Variants in NCBP2L observed in about 807,000 individuals in gnomAD.
NCBP2L encodes the protein nuclear cap binding protein subunit 2 like.
For missense variants in NCBP2L, 95 were observed against 53.1 expected (o/e 1.79, Z -2.45); for synonymous variants, 39 against 19.2 (o/e 2.04, Z -2.70).
intron 1 of NCBP2L, among the ~76,000 whole-genome samples, chrX:107,790,290 T>G (rs959831845): frequency 2.7e-5 from 3 of 112,288 alleles, no homozygotes; most frequent in Non-Finnish European, 5.6e-5. Flanking sequence ...ATCTTTTTGT[T>G]TTTTAACCAT....
chrX:107,791,429 A>T (rs1185594027), intron 1 of NCBP2L, among the ~76,000 whole-genome samples: 1 of 111,497 alleles, frequency 9.0e-6, no homozygotes, highest in Non-Finnish European at 1.9e-5. Context: ...AATCTGTTGT[A>T]AAGATGAGGT....
At chrX:107,781,692 C>CTCTCTCTCTATATATATATATATA (rs1395038482) in intron 1 of NCBP2L, among the ~76,000 whole-genome samples, 1 of 66,919 alleles carries the variant, frequency 1.5e-5, no homozygotes, top group Admixed American at 1.6e-4. Context: ...CTCTCTCTCT[C>CTCTCTCTCTATATATATATATATA]TATATATATA....
intron 1 of NCBP2L, among the ~76,000 whole-genome samples, chrX:107,781,784 A>C (rs10081904): frequency 1.9e-3 from 141 of 73,481 alleles, no homozygotes; most frequent in Non-Finnish European, 2.9e-3. Context: ...ATATAGATCT[A>C]TAGATATCTA....
intron 1 of NCBP2L, among the ~76,000 whole-genome samples, chrX:107,789,368 T>G (rs1930423957): frequency 9.1e-6 from 1 of 110,082 alleles, no homozygotes; most frequent in Admixed American, 9.7e-5. Context: ...CCATCAACCT[T>G]CAGGCATGAT....
chrX:107,786,958 TG>T lies in NCBP2L; in HGVS notation c.-72-7188del, dbSNP rs1930398001. On this transcript the variant is annotated intron_variant, in intron 1 of 1. Coordinates refer to ENST00000509000, the MANE Select transcript of NCBP2L (RefSeq NM_001348372.2). Reference sequence around the variant, plus strand: ...TGCCAGATCACAAGGAAACTAAGATTGGGAAACTAGGAGAGGTGGTACAAGG... The same window carrying T: ...TGCCAGATCACAAGGAAACTAAGATTGGAAACTAGGAGAGGTGGTACAAGG... 2.7e-5 allele frequency among the ~76,000 whole-genome samples: 3 copies of T among 111,732 alleles called. No individual in the cohort carries two copies. In the South Asian group the frequency reaches 1.1e-3, roughly 42 times the overall value.
chrX:107,791,088 T>C (rs1194111185), intron 1 of NCBP2L, among the ~76,000 whole-genome samples: 2 of 112,185 alleles, frequency 1.8e-5, no homozygotes, highest in Admixed American at 1.9e-4. Flanking sequence ...TAGTGCTCTA[T>C]AAATGTTGAT....
At chrX:107,791,171 T>C (rs1299661171) in intron 1 of NCBP2L, among the ~76,000 whole-genome samples, 1 of 112,142 alleles carries the variant, frequency 8.9e-6, no homozygotes, top group African/African-American at 3.2e-5. Flanking sequence ...AAAGCTCCCA[T>C]GCCAGTTATC....
At chrX:107,783,169 G>A (rs1045210306) in intron 1 of NCBP2L, among the ~76,000 whole-genome samples, 1 of 108,614 alleles carries the variant, frequency 9.2e-6, no homozygotes, top group Non-Finnish European at 1.9e-5. Context: ...TGGAGATGGG[G>A]AACTGAGGGA....
At chrX:107,782,326 AAT>A (rs1180031071) in intron 1 of NCBP2L, among the ~76,000 whole-genome samples, 8 of 30,511 alleles carry the variant, frequency 2.6e-4, no homozygotes, top group South Asian at 1.4e-3. Flanking sequence ...TATATATATA[AAT>A]ATATATATAA....
chrX:107,789,382 C>A (rs1167110681), intron 1 of NCBP2L, among the ~76,000 whole-genome samples: 1 of 110,120 alleles, frequency 9.1e-6, no homozygotes, highest in Non-Finnish European at 1.9e-5. Flanking sequence ...GCATGATCAA[C>A]TTTCACTCTA....
chrX:107,793,403 C>T (rs146443467), intron 1 of NCBP2L, among the ~76,000 whole-genome samples: 22 of 111,422 alleles, frequency 2.0e-4, no homozygotes, highest in Non-Finnish European at 3.8e-4. Context: ...CCTATATATG[C>T]CTCCCTATAA....
At chrX:107,783,839 C>T (rs1328794384) in intron 1 of NCBP2L, among the ~76,000 whole-genome samples, 1 of 103,681 alleles carries the variant, frequency 9.6e-6, no homozygotes, top group African/African-American at 3.8e-5. Context: ...TCTTCTGGAG[C>T]TCACAGTCTG....
chrX:107,791,884 T>C (rs1181867290), intron 1 of NCBP2L, among the ~76,000 whole-genome samples: 1 of 112,150 alleles, frequency 8.9e-6, no homozygotes, highest in East Asian at 2.8e-4. Flanking sequence ...ATATTGCTAG[T>C]AAATGGTGAA....
At position 107,782,196 on chromosome X, in the gene NCBP2L, A is replaced by T. The variant is rs868484785; in HGVS notation, c.-73+4338A>T. 6.1e-4 allele frequency among the ~76,000 whole-genome samples: 12 copies of T among 19,552 alleles called. No homozygotes were observed. In the South Asian group the frequency reaches 9.8e-3, roughly 16 times the overall value. The allele number at this position is 19,552 out of a possible 115,157, so 17.0% of individuals were successfully genotyped here. A position where few individuals can be genotyped will look rare whatever the true frequency, so the allele number is the denominator to read the frequency against. ...ATATATATATAAATATATATATATA[A>T]ATATATATATATAAATATATATATA... On this transcript the variant is annotated intron_variant, in intron 1 of 1. Transcript: ENST00000509000.
intron 1 of NCBP2L, among the ~76,000 whole-genome samples, chrX:107,785,552 C>G (rs1009096829): frequency 9.0e-6 from 1 of 111,639 alleles, no homozygotes; most frequent in Non-Finnish European, 1.9e-5. Flanking sequence ...TTCTTGCTAA[C>G]AACTTCAGGG....
intron 1 of NCBP2L, among the ~76,000 whole-genome samples, chrX:107,778,792 G>A (rs190481623): frequency 2.3e-3 from 260 of 112,647 alleles, no homozygotes; most frequent in Non-Finnish European, 4.1e-3. Flanking sequence ...CTTGTCCTGT[G>A]TCAGGTATAG....
chrX:107,781,326 C>T (rs1294007623), intron 1 of NCBP2L, among the ~76,000 whole-genome samples: 1 of 106,313 alleles, frequency 9.4e-6, no homozygotes, highest in East Asian at 3.0e-4. Flanking sequence ...CTGAAGGGGT[C>T]CTCCCAACTC....
At chrX:107,779,377 G>C (rs946589360) in intron 1 of NCBP2L, among the ~76,000 whole-genome samples, 14 of 112,178 alleles carry the variant, frequency 1.2e-4, no homozygotes, top group Non-Finnish European at 2.6e-4. Flanking sequence ...GTTAGAGGTT[G>C]GTGAAAACAA....
intron 1 of NCBP2L, among the ~76,000 whole-genome samples, chrX:107,786,430 A>G (rs1350379534): frequency 8.9e-6 from 1 of 111,990 alleles, no homozygotes; most frequent in East Asian, 2.8e-4. Context: ...CAAGAAGACA[A>G]TCCAAGGGAA....
Sources: gnomAD v4.1 joint callset for allele counts (sites outside exome capture counted in the v4.1 genomes callset) on GRCh38, gnomAD v4.1.1 for gene constraint, MANE v1.5 for transcripts, NCBI Gene and HGNC (gene_info 2026-07-23, HGNC 2026-07-21) for gene names.